The following RHAG variants were observed in gnomAD, a reference collection of about 807,000 sequenced individuals.
The protein encoded by RHAG is ammonium transporter Rh type A.
In RHAG, 25 loss-of-function variants were observed where a neutral mutation model predicts 42.4. The observed-to-expected ratio is 0.59, with a 90% CI of 0.43 to 0.82. The LOEUF is 0.82. RHAG is among the 40% of genes least tolerant of loss of function. The pLI is 0.00. For missense variants in RHAG, 483 were observed against 504.6 expected, an observed-to-expected ratio of 0.96 and a Z score of 0.41; for synonymous variants, 182 against 177.7, an observed-to-expected ratio of 1.02 and a Z score of -0.19.
At chr6:49,617,435 A>G (rs887477100) in intron 3 of RHAG, among the ~76,000 whole-genome samples, 4 of 152,170 alleles carry the variant, frequency 2.6e-5, no homozygotes, top group Admixed American at 2.0e-4. Context: ...TGTCTCTCCC[A>G]CTAGAGTGTA....
chr6:49,627,002 T>C (rs1371743601), intron 1 of RHAG, among the ~76,000 whole-genome samples: 2 of 152,218 alleles, frequency 1.3e-5, no homozygotes, highest in Admixed American at 1.3e-4. Context: ...AGGGAAGCCC[T>C]GGGCCTGGCC....
intron 6 of RHAG, among the ~76,000 whole-genome samples, chr6:49,611,380 G>GT (rs1012342515): frequency 1.3e-5 from 2 of 151,722 alleles, no homozygotes; most frequent in East Asian, 1.9e-4. Context: ...TTTTATTGTT[G>GT]TTTTTTTGTG....
At chr6:49,629,907 C>A (rs1344740059) in intron 1 of RHAG, among the ~76,000 whole-genome samples, 1 of 152,198 alleles carries the variant, frequency 6.6e-6, no homozygotes, top group Non-Finnish European at 1.5e-5. Flanking sequence ...CGCACGCAGC[C>A]CCGGTTCCCG....
chr6:49,615,877 A>C, intron 3 of RHAG, 106 bp from the exon 4 acceptor site: 6 of 1,110,696 alleles, frequency 5.4e-6, no homozygotes, highest in Non-Finnish European at 8.2e-6. Flanking sequence ...ACTTAAAAAA[A>C]TTAAAGAGGG....
chr6:49,605,759 G>C lies in RHAG; in HGVS notation c.*54C>G. On this transcript the variant is annotated 3_prime_UTR_variant, in exon 10 of 10. Transcript: ENST00000371175. Reference sequence around the variant, plus strand: ...AGCTGGAGAGCAGGAATGGTGTTTAGACTTCAGGTTCCAGCTGGCTGTGGT... The same window carrying C: ...AGCTGGAGAGCAGGAATGGTGTTTACACTTCAGGTTCCAGCTGGCTGTGGT... 6.6e-7 allele frequency: 1 copy of C among 1,525,450 alleles called. No individual in the cohort carries two copies. Among genetic ancestry groups the C allele is most frequent in the Non-Finnish European group, 9.1e-7 (1 of 1,099,270 alleles). The allele number at this position is 1,525,450 out of a possible 1,614,324, so 94.5% of individuals were successfully genotyped here.
chr6:49,614,218 G>A (rs771104909), intron 5 of RHAG, among the ~76,000 whole-genome samples: 27 of 150,014 alleles, frequency 1.8e-4, no homozygotes, highest in Non-Finnish European at 2.4e-4. Context: ...GTGAGATGGA[G>A]TTTCGCTCTT....
chr6:49,612,571 G>T, intron 5 of RHAG, 37 bp from the exon 6 acceptor site: 1 of 1,613,082 alleles, frequency 6.2e-7, no homozygotes, highest in African/African-American at 1.3e-5. Context: ...AGGTGAGCTG[G>T]ATGATGGAGA....
intron 1 of RHAG, among the ~76,000 whole-genome samples, chr6:49,621,253 C>T (rs1338688337): frequency 3.3e-5 from 5 of 152,160 alleles, no homozygotes; most frequent in South Asian, 2.1e-4. Flanking sequence ...TTTTCCCTGG[C>T]GGTCAGGAGT....
At chr6:49,619,959 A>G (rs1187506146) in intron 1 of RHAG, among the ~76,000 whole-genome samples, 2 of 152,332 alleles carry the variant, frequency 1.3e-5, no homozygotes, top group East Asian at 1.9e-4. Context: ...CGTTTCTTTG[A>G]TGGATGAGTC....
chr6:49,621,934 T>C (rs369079029), intron 1 of RHAG, among the ~76,000 whole-genome samples: 15 of 152,282 alleles, frequency 9.9e-5, no homozygotes, highest in African/African-American at 3.1e-4. Context: ...AGGACTCAGT[T>C]TTTTTCATTT....
rs547741058 is a variant in RHAG at position 49,622,216 on chromosome 6, G to GTT, written c.158-2856_158-2855dup. Among the ~76,000 whole-genome samples the GTT allele has an allele frequency of 4.4e-3, 584 of 132,416 alleles. 3 individuals are homozygous for GTT. Among genetic ancestry groups the GTT allele is most frequent in the East Asian group, 0.012 (54 of 4,480 alleles). 86.9% of individuals were successfully genotyped at this position (132,416 alleles called of 152,430 possible). ...TGAGTGGGTGTCACAAGATCTGATGGTTTTTTTTTTTTTTTTTTAGACAGA... is the reference window on the plus strand; with the variant it reads ...TGAGTGGGTGTCACAAGATCTGATGGTTTTTTTTTTTTTTTTTTTTAGACAGA... On this transcript the variant is annotated intron_variant, in intron 1 of 9. Transcript: ENST00000371175.
Position 49,605,621 on chromosome 6 carries a change from G to A in RHAG, c.*192C>T, listed in dbSNP as rs1038859664. 17 of 690,060 alleles carry A rather than the reference G, an allele frequency of 2.5e-5. No homozygotes were observed. The highest frequency in any genetic ancestry group is 2.3e-4 in the South Asian group (15 of 66,618). 42.7% of individuals were successfully genotyped at this position (690,060 alleles called of 1,614,324 possible). A position where few individuals can be genotyped will look rare whatever the true frequency, so the allele number is the denominator to read the frequency against. On this transcript the variant is annotated 3_prime_UTR_variant, in exon 10 of 10. Transcript: ENST00000371175. ...GAGCAAGAGACAGCATCAGACATAA[G>A]GACATTTTTACACTGGCCATTTGGG...
intron 1 of RHAG, among the ~76,000 whole-genome samples, chr6:49,635,124 A>G (rs1762991127): frequency 6.6e-6 from 1 of 151,366 alleles, no homozygotes; most frequent in Non-Finnish European, 1.5e-5. Flanking sequence ...CAAAAATTAT[A>G]CATCTATAGC....
chr6:49,624,953 C>G (rs1562017979), intron 1 of RHAG, among the ~76,000 whole-genome samples: 1 of 152,124 alleles, frequency 6.6e-6, no homozygotes, highest in African/African-American at 2.4e-5. Context: ...AATTTTATCT[C>G]TATGTGTAAA....
Position 49,618,006 on chromosome 6 carries a change from TG to T in RHAG, c.492+61del. On this transcript the variant is annotated intron_variant, in intron 3 of 9. Coordinates refer to ENST00000371175, the MANE Select transcript of RHAG (RefSeq NM_000324.3). ...GCTCCCATATACCGTAGACACCCAT[TG>T]TTTTTTTGTAGCCAGAACTGATGCC... The T allele has an allele frequency of 3.3e-6, 5 of 1,494,676 alleles. No homozygotes were observed. In the African/African-American group the frequency reaches 4.1e-5, roughly 12 times the overall value. The allele number at this position is 1,494,676 out of a possible 1,614,324, so 92.6% of individuals were successfully genotyped here. A position where few individuals can be genotyped will look rare whatever the true frequency, so the allele number is the denominator to read the frequency against.
At chr6:49,617,317 T>C (rs186484234) in intron 3 of RHAG, among the ~76,000 whole-genome samples, 7 of 152,338 alleles carry the variant, frequency 4.6e-5, no homozygotes, top group Admixed American at 1.3e-4. Context: ...CACTTTCTCA[T>C]AGACCTACCC....
At position 49,621,380 on chromosome 6, in the gene RHAG, C is replaced by T. The variant is rs57555109; in HGVS notation, c.158-2018G>A. Among the ~76,000 whole-genome samples, 10 of 152,238 alleles carry T rather than the reference C, an allele frequency of 6.6e-5. No homozygotes were observed. In the East Asian group the frequency reaches 9.7e-4, roughly 15 times the overall value. On this transcript the variant is annotated intron_variant, in intron 1 of 9. Transcript: ENST00000371175. ...ACAATAACTGATTCACATGAGCAAC[C>T]GCTTGTCTCAGAAAAGGACCACCTA...
intron 9 of RHAG, 90 bp downstream of exon 9, chr6:49,606,758 C>T: frequency 1.1e-6 from 1 of 896,434 alleles, no homozygotes; most frequent in Middle Eastern, 2.1e-4. Flanking sequence ...TTCATCACAC[C>T]TATGCACACA....
At chr6:49,612,376 C>T in intron 6 of RHAG, 21 bp downstream of exon 6, 1 of 1,613,748 alleles carries the variant, frequency 6.2e-7, no homozygotes, top group Non-Finnish European at 8.5e-7. Context: ...GAGTTTGACT[C>T]AGAACATCTG....
Sources: gnomAD v4.1 joint callset for allele counts (sites outside exome capture counted in the v4.1 genomes callset) on GRCh38, gnomAD v4.1.1 for gene constraint, MANE v1.5 for transcripts, NCBI Gene and HGNC (gene_info 2026-07-23, HGNC 2026-07-21) for gene names.